Variants in CDH8 observed in about 807,000 individuals in gnomAD.
CDH8 encodes the protein cadherin-8.
In CDH8, 17 loss-of-function variants were observed where a neutral mutation model predicts 68.1. That is an observed-to-expected ratio of 0.25 (90% confidence interval 0.17 to 0.37). The LOEUF (loss-of-function observed/expected upper bound fraction) is 0.37, where lower values mean the gene tolerates loss of function less well. CDH8 is among the 10% of genes least tolerant of loss of function. The pLI is 1.00. For missense variants in CDH8, 763 were observed against 999.3 expected (o/e 0.76, Z 3.19); for synonymous variants, 372 against 365.1 (o/e 1.02, Z -0.21).
chr16:61,888,597 A>T (rs1440756568), intron 3 of CDH8, among the ~76,000 whole-genome samples: 3 of 144,920 alleles, frequency 2.1e-5, no homozygotes, highest in African/African-American at 8.7e-5. Context: ...TTTGTAAAAT[A>T]AGAATAATAA....
intron 4 of CDH8, among the ~76,000 whole-genome samples, chr16:61,841,975 C>A (rs7196487): frequency 6.6e-6 from 1 of 151,964 alleles, no homozygotes; most frequent in African/African-American, 2.4e-5. Flanking sequence ...GCAAGCTCTG[C>A]CTCCCAGGTT....
Position 61,648,095 on chromosome 16 carries a change from C to T in CDH8, c.*5513G>A, listed in dbSNP as rs1258124500. The T allele has an allele frequency of 6.5e-6, 3 of 458,622 alleles. No individual in the cohort carries two copies. Among genetic ancestry groups the T allele is most frequent in the African/African-American group, 2.0e-5 (1 of 49,708 alleles). The allele number at this position is 458,622 out of a possible 1,614,324, so 28.4% of individuals were successfully genotyped here. On this transcript the variant is annotated 3_prime_UTR_variant, in exon 12 of 12. Coordinates refer to ENST00000577390, the MANE Select transcript of CDH8 (RefSeq NM_001796.5). ...CATAAAGGAAGGAGGAGAATACATA[C>T]AAAAACACTTACAACATTACAACTC...
chr16:61,983,861 A>G (rs1247648198), intron 2 of CDH8, among the ~76,000 whole-genome samples: 1 of 150,066 alleles, frequency 6.7e-6, no homozygotes, highest in East Asian at 1.9e-4. Context: ...GCAAGGAGAG[A>G]AAGCTCTGGT....
At chr16:61,792,181 C>T (rs1310345870) in intron 7 of CDH8, among the ~76,000 whole-genome samples, 1 of 151,880 alleles carries the variant, frequency 6.6e-6, no homozygotes, top group East Asian at 1.9e-4. Context: ...ATATTTTTCT[C>T]ATTTTTTAAA....
intron 2 of CDH8, among the ~76,000 whole-genome samples, chr16:61,978,220 C>A (rs1159206427): frequency 6.6e-6 from 1 of 152,156 alleles, no homozygotes; most frequent in Non-Finnish European, 1.5e-5. Flanking sequence ...TGCTGAAACA[C>A]AATGTTCTCA....
chr16:61,915,150 G>A (rs1964218949), intron 2 of CDH8, among the ~76,000 whole-genome samples: 1 of 151,960 alleles, frequency 6.6e-6, no homozygotes, highest in Admixed American at 6.6e-5. Flanking sequence ...CTTTTTCGAT[G>A]TTTTCTAGCT....
chr16:61,886,178 G>C (rs778572573), intron 3 of CDH8, among the ~76,000 whole-genome samples: 1 of 152,140 alleles, frequency 6.6e-6, no homozygotes, highest in African/African-American at 2.4e-5. Flanking sequence ...TCATATTATA[G>C]TTTGAAGATA....
intron 2 of CDH8, among the ~76,000 whole-genome samples, chr16:61,961,302 G>T (rs1403589965): frequency 1.3e-5 from 2 of 151,682 alleles, no homozygotes; most frequent in Non-Finnish European, 2.9e-5. Flanking sequence ...GCAACAGAGT[G>T]AGACATAGTC....
intron 3 of CDH8, among the ~76,000 whole-genome samples, chr16:61,873,036 T>C (rs1045593680): frequency 1.3e-5 from 2 of 152,182 alleles, no homozygotes; most frequent in Non-Finnish European, 2.9e-5. Flanking sequence ...TTGTGAAAGA[T>C]AACAGCTTAA....
chr16:61,847,405 A>T (rs1396474456), intron 4 of CDH8, among the ~76,000 whole-genome samples: 1 of 151,864 alleles, frequency 6.6e-6, no homozygotes, highest in African/African-American at 2.4e-5. Flanking sequence ...GAGGAAACAA[A>T]TTGAGTATTT....
intron 3 of CDH8, among the ~76,000 whole-genome samples, chr16:61,880,891 G>A (rs1322096651): frequency 6.6e-6 from 1 of 152,190 alleles, no homozygotes; most frequent in African/African-American, 2.4e-5. Flanking sequence ...TGCTGACTGT[G>A]AAGAAGGAAG....
intron 8 of CDH8, among the ~76,000 whole-genome samples, chr16:61,738,261 C>G (rs926052756): frequency 3.3e-5 from 5 of 152,176 alleles, no homozygotes; most frequent in East Asian, 1.9e-4. Flanking sequence ...TATCTTGCTA[C>G]TCCATTTTCA....
chr16:61,778,673 C>A (rs1960961748), intron 8 of CDH8, among the ~76,000 whole-genome samples: 1 of 152,030 alleles, frequency 6.6e-6, no homozygotes, highest in Admixed American at 6.6e-5. Context: ...TTTTTATTTC[C>A]ATTCTCACTA....
chr16:61,810,316 A>G (rs1382793524), intron 7 of CDH8, among the ~76,000 whole-genome samples: 1 of 152,156 alleles, frequency 6.6e-6, no homozygotes. Flanking sequence ...TTTTGCCTCT[A>G]ATTGCTCCAC....
At chr16:61,884,110 A>G (rs1963627967) in intron 3 of CDH8, among the ~76,000 whole-genome samples, 1 of 152,138 alleles carries the variant, frequency 6.6e-6, no homozygotes, top group Admixed American at 6.5e-5. Context: ...CATACGCTTG[A>G]AAAACAGCCT....
At chr16:61,801,584 A>T (rs1379836747) in intron 7 of CDH8, among the ~76,000 whole-genome samples, 1 of 152,184 alleles carries the variant, frequency 6.6e-6, no homozygotes, top group Non-Finnish European at 1.5e-5. Flanking sequence ...AGTGCCAGAC[A>T]GTGGGCGCAG....
chr16:61,727,728 T>G (rs1959416399), intron 8 of CDH8, among the ~76,000 whole-genome samples: 2 of 151,188 alleles, frequency 1.3e-5, no homozygotes, highest in South Asian at 4.1e-4. Context: ...TATCATATAT[T>G]TTATGAATCA....
At chr16:61,826,438 A>C (rs1218033770) in intron 4 of CDH8, among the ~76,000 whole-genome samples, 2 of 151,840 alleles carry the variant, frequency 1.3e-5, no homozygotes, top group Non-Finnish European at 1.5e-5. Context: ...CCATATTGCT[A>C]AATGTCCATA....
intron 8 of CDH8, among the ~76,000 whole-genome samples, chr16:61,753,869 G>GA (rs1368920700): frequency 1.3e-5 from 2 of 152,030 alleles, no homozygotes; most frequent in African/African-American, 4.8e-5. Context: ...AAGTAATAAG[G>GA]AAAAAACAAT....
Sources: allele counts gnomAD v4.1 joint callset (sites outside exome capture counted in the v4.1 genomes callset), GRCh38; gene constraint gnomAD v4.1.1; transcripts MANE v1.5; gene names NCBI Gene and HGNC (gene_info 2026-07-23, HGNC 2026-07-21).